Variants in TMEM135 observed in about 807,000 individuals in gnomAD.
TMEM135 encodes the protein transmembrane protein 135.
A neutral mutation model predicts 60.3 loss-of-function variants in TMEM135; 30 were observed. That is an observed-to-expected ratio of 0.50 (90% confidence interval 0.37 to 0.68). TMEM135 has a LOEUF of 0.68. Among genes scored for constraint, TMEM135 ranks in the 30% least tolerant of loss-of-function variants. The pLI is 0.00. For missense variants in TMEM135, 468 were observed against 548.8 expected (o/e 0.85, Z 1.47); for synonymous variants, 190 against 186.7 (o/e 1.02, Z -0.14).
At chr11:87,197,012 GA>G (rs531888642) in intron 5 of TMEM135, among the ~76,000 whole-genome samples, 1 of 151,610 alleles carries the variant, frequency 6.6e-6, no homozygotes, top group East Asian at 1.9e-4. Context: ...TTCTCCTAAT[GA>G]AAAAAAATTA....
intron 3 of TMEM135, among the ~76,000 whole-genome samples, chr11:87,090,233 TA>T (rs1857178670): frequency 6.6e-6 from 1 of 152,098 alleles, no homozygotes; most frequent in African/African-American, 2.4e-5. Context: ...ATTTTTATGT[TA>T]AAAAAAGTAG....
At chr11:87,039,492 T>G (rs1949732843) in intron 1 of TMEM135, among the ~76,000 whole-genome samples, 1 of 152,228 alleles carries the variant, frequency 6.6e-6, no homozygotes, top group Non-Finnish European at 1.5e-5. Context: ...GGAAATTTTT[T>G]CCTTGATTTT....
chr11:87,314,690 TTTTC>T, intron 12 of TMEM135, 143 bp downstream of exon 12: 1 of 690,366 alleles, frequency 1.4e-6, no homozygotes, highest in Non-Finnish European at 2.5e-6. Context: ...TCCCCTGTGT[TTTTC>T]TTTGTGTGTG....
intron 4 of TMEM135, among the ~76,000 whole-genome samples, chr11:87,129,147 A>C (rs140288246): frequency 4.6e-5 from 7 of 151,400 alleles, no homozygotes; most frequent in African/African-American, 1.7e-4. Context: ...TTGTAGTTGA[A>C]AGGAGCAGCA....
chr11:87,209,270 A>G (rs1940307061), intron 5 of TMEM135, among the ~76,000 whole-genome samples: 1 of 152,230 alleles, frequency 6.6e-6, no homozygotes, highest in African/African-American at 2.4e-5. Flanking sequence ...TGGATAAAGA[A>G]GCCAAGACCC....
At chr11:87,169,796 G>T (rs1010762275) in intron 5 of TMEM135, among the ~76,000 whole-genome samples, 1 of 151,970 alleles carries the variant, frequency 6.6e-6, no homozygotes, top group African/African-American at 2.4e-5. Context: ...TGCTCTTCTC[G>T]AGGAGTATCT....
chr11:87,148,333 C>T (rs984031678), intron 4 of TMEM135, among the ~76,000 whole-genome samples: 2 of 152,070 alleles, frequency 1.3e-5, no homozygotes, highest in Non-Finnish European at 2.9e-5. Context: ...CAGTGCTTTC[C>T]CATAGAAACA....
At chr11:87,242,243 G>T (rs1941153934) in intron 6 of TMEM135, among the ~76,000 whole-genome samples, 1 of 151,614 alleles carries the variant, frequency 6.6e-6, no homozygotes, top group Admixed American at 6.6e-5. Flanking sequence ...TCTTAATCCA[G>T]TCTATCATTG....
intron 4 of TMEM135, chr11:87,121,380 A>G (rs951138498): frequency 3.9e-5 from 6 of 152,174 alleles, no homozygotes; most frequent in East Asian, 3.8e-4. Context: ...ATAAATAATT[A>G]AAATTATGAT....
chr11:87,265,672 A>G (rs1463981911), intron 6 of TMEM135, among the ~76,000 whole-genome samples: 8 of 152,126 alleles, frequency 5.3e-5, no homozygotes, highest in African/African-American at 1.9e-4. Context: ...AAGAAAATAA[A>G]AGAAACACTT....
In TMEM135 at chr11:87,043,672, G is replaced by C. The variant is rs1182440755; in HGVS notation, c.141+5486G>C. ...TGGGAGGCGGAGGTTGTACTGAGCA[G>C]AGATCACGCCACTGCACTCCAGCCT... is the stretch of plus-strand genomic sequence containing the variant. On this transcript the variant is annotated intron_variant, in intron 1 of 14. Coordinates refer to ENST00000305494, the MANE Select transcript of TMEM135 (RefSeq NM_022918.4). 5.3e-5 allele frequency among the ~76,000 whole-genome samples: 8 copies of C among 152,122 alleles called. No individual in the cohort carries two copies. In the East Asian group the frequency reaches 1.4e-3, roughly 26 times the overall value.
chr11:87,195,647 C>T (rs1939937791), intron 5 of TMEM135, among the ~76,000 whole-genome samples: 1 of 152,040 alleles, frequency 6.6e-6, no homozygotes, highest in African/African-American at 2.4e-5. Flanking sequence ...CAACCTCAGG[C>T]AATCTGCCAG....
At chr11:87,167,943 CT>C (rs869042886) in intron 5 of TMEM135, among the ~76,000 whole-genome samples, 2 of 151,796 alleles carry the variant, frequency 1.3e-5, no homozygotes, top group Non-Finnish European at 2.9e-5. Context: ...AGGTCCTGGG[CT>C]TTTTTTGGGT....
In TMEM135 at chr11:87,081,684, GTT is replaced by G. The variant is rs35028039; in HGVS notation, c.363-9665_363-9664del. Reference sequence around the variant, plus strand: ...TTATTTTCACTTTTGATAGCTGAGGGTTTTTTTTTTTTTTAAGCTTTCTGTTT... The same window carrying G: ...TTATTTTCACTTTTGATAGCTGAGGGTTTTTTTTTTTTAAGCTTTCTGTTT... On this transcript the variant is annotated intron_variant, in intron 3 of 14. Transcript: ENST00000305494. Among the ~76,000 whole-genome samples the G allele has an allele frequency of 9.7e-4, 139 of 143,426 alleles. 1 individual carries two copies. The highest frequency in any genetic ancestry group is 2.1e-3 in the African/African-American group (82 of 39,466). 94.1% of individuals were successfully genotyped at this position (143,426 alleles called of 152,430 possible). A position where few individuals can be genotyped will look rare whatever the true frequency, so the allele number is the denominator to read the frequency against.
At chr11:87,254,264 A>G (rs1008821685) in intron 6 of TMEM135, among the ~76,000 whole-genome samples, 1 of 152,314 alleles carries the variant, frequency 6.6e-6, no homozygotes, top group African/African-American at 2.4e-5. Flanking sequence ...AGTTAAAAAA[A>G]TTTAAGGATT....
chr11:87,257,835 C>T (rs539120383), intron 6 of TMEM135, among the ~76,000 whole-genome samples: 8 of 151,666 alleles, frequency 5.3e-5, no homozygotes, highest in South Asian at 4.2e-4. Context: ...AAACCACTGA[C>T]TGATACAGTT....
intron 5 of TMEM135, among the ~76,000 whole-genome samples, chr11:87,191,492 C>T (rs574264592): frequency 4.6e-5 from 7 of 152,210 alleles, no homozygotes; most frequent in East Asian, 1.9e-4. Context: ...CTGCCTGCCT[C>T]GGCCTCCCAA....
rs552285879 is a variant in TMEM135 at position 87,321,241 on chromosome 11, A to T, written c.1285A>T (p.Thr429Ser). The change falls in exon 15 of 15, where the codon ACT (threonine) becomes TCT (serine). Residue 429 changes from threonine (T) to serine (S), a missense_variant. Coordinates refer to ENST00000305494, the MANE Select transcript of TMEM135 (RefSeq NM_022918.4). ...MNRKVLDVFG[T>S]GASKHFQDFI... is the part of the protein sequence containing the mutation. ...CCGAAAAGTCCTTGATGTTTTTGGT[A>T]CTGGTGCATCTAAACACTTTCAGGA... The T allele has an allele frequency of 1.9e-6, 3 of 1,613,644 alleles. No homozygotes were observed. The highest frequency in any genetic ancestry group is 1.7e-5 in the Admixed American group (1 of 59,972).
At chr11:87,272,268 C>G (rs1941883587) in intron 6 of TMEM135, among the ~76,000 whole-genome samples, 1 of 151,686 alleles carries the variant, frequency 6.6e-6, no homozygotes, top group African/African-American at 2.4e-5. Context: ...GTTGGTCAGA[C>G]TGGTCTCAAA....
Sources: gnomAD v4.1 joint callset for allele counts (sites outside exome capture counted in the v4.1 genomes callset) on GRCh38, gnomAD v4.1.1 for gene constraint, MANE v1.5 for transcripts, NCBI Gene and HGNC (gene_info 2026-07-23, HGNC 2026-07-21) for gene names.